FIBCD1: variants seen among roughly 807,000 people sequenced by gnomAD.
FIBCD1 encodes fibrinogen C domain-containing protein 1.
In FIBCD1, 47 loss-of-function variants were observed where a neutral mutation model predicts 45.1. That is an observed-to-expected ratio of 1.04 (90% CI 0.82 to 1.33). FIBCD1 has a LOEUF of 1.33. FIBCD1 is among the 40% of genes most tolerant of loss of function. The pLI is 0.00. For missense variants in FIBCD1, 653 were observed against 682.2 expected, an observed-to-expected ratio of 0.96 and a Z score of 0.48; for synonymous variants, 313 against 308.1, an observed-to-expected ratio of 1.02 and a Z score of -0.17.
chr9:130,904,073 C>T lies in FIBCD1; in HGVS notation c.1377G>A (p.Glu459=), dbSNP rs766731717. Residue 459 remains glutamate (E), a synonymous_variant, in exon 7 of 7, where the codon GAG becomes GAA. Transcript: ENST00000372338. ...GACAAGGTGCACCAGTCTAGCGGTC[C>T]TCCCGGACCGGCCGGATCTTCATCT... is the stretch of plus-strand genomic sequence containing the variant. The part of the protein sequence containing the change: ...FSEMKIRPVR[E]DR 2.2e-5 allele frequency: 36 copies of T among 1,612,588 alleles called. No homozygotes were observed. Among genetic ancestry groups the T allele is most frequent in the Non-Finnish European group, 3.0e-5 (35 of 1,179,640 alleles).
intron 4 of FIBCD1, among the ~76,000 whole-genome samples, chr9:130,913,286 C>T (rs894278482): frequency 6.1e-5 from 9 of 147,682 alleles, no homozygotes; most frequent in African/African-American, 2.1e-4. Flanking sequence ...CTTTATTCTC[C>T]GAGGCAGCGC....
At chr9:130,937,525 C>T (rs1225690261) in intron 1 of FIBCD1, among the ~76,000 whole-genome samples, 2 of 152,230 alleles carry the variant, frequency 1.3e-5, no homozygotes, top group Non-Finnish European at 2.9e-5. Flanking sequence ...CAGGTTGCAG[C>T]TCCTGAGAGG....
intron 1 of FIBCD1, chr9:130,933,727 T>TGGGGGGGAGGGGGGGGGGGGG (rs1832476199): frequency 1.9e-5 from 1 of 51,466 alleles, no homozygotes; most frequent in Non-Finnish European, 3.4e-5. Context: ...GGCGGGCGGG[T>TGGGGGGGAGGGGGGGGGGGGG]GGGGGGGGGG....
intron 5 of FIBCD1, among the ~76,000 whole-genome samples, 155 bp downstream of exon 5, chr9:130,911,637 G>C (rs538784572): frequency 1.9e-4 from 29 of 152,338 alleles, no homozygotes; most frequent in African/African-American, 6.7e-4. Context: ...CTGAATGCCT[G>C]TCACCTTCAT....
chr9:130,921,073 G>T (rs565472812), intron 4 of FIBCD1, among the ~76,000 whole-genome samples: 1 of 152,224 alleles, frequency 6.6e-6, no homozygotes, highest in Non-Finnish European at 1.5e-5. Flanking sequence ...GGGGGTGGGG[G>T]GCAGGGGTGT....
At chr9:130,914,774 G>T (rs191351248) in intron 4 of FIBCD1, among the ~76,000 whole-genome samples, 1 of 152,084 alleles carries the variant, frequency 6.6e-6, no homozygotes. Context: ...TACGTAACTC[G>T]CCAGACCCCA....
intron 5 of FIBCD1, among the ~76,000 whole-genome samples, chr9:130,911,432 C>G (rs981634073): frequency 6.6e-6 from 1 of 152,144 alleles, no homozygotes; most frequent in African/African-American, 2.4e-5. Flanking sequence ...GGGGCCGGGT[C>G]CTCCTCTGTC....
At chr9:130,911,090 C>T (rs1221582823) in intron 5 of FIBCD1, among the ~76,000 whole-genome samples, 4 of 152,336 alleles carry the variant, frequency 2.6e-5, no homozygotes, top group African/African-American at 7.2e-5. Flanking sequence ...CGCTCAGGTT[C>T]CCTCCTGCGC....
rs73656068 is a variant in FIBCD1, at chr9:130,903,714, G to A, written c.*350C>T. ...TCCCCATAATGCCGGGTATTTGGCC[G>A]GGCAGGGCAGAGGGTGCCTGGGGCA... On this transcript the variant is annotated 3_prime_UTR_variant, in exon 7 of 7. Transcript: ENST00000372338. 7,913 of 424,434 alleles carry A rather than the reference G, an allele frequency of 0.019. 500 individuals carry two copies. The highest frequency in any genetic ancestry group is 0.14 in the African/African-American group (6,931 of 49,562). The allele number at this position is 424,434 out of a possible 1,614,324, so 26.3% of individuals were successfully genotyped here.
chr9:130,933,135 C>G (rs939536443), intron 1 of FIBCD1, among the ~76,000 whole-genome samples: 4 of 152,202 alleles, frequency 2.6e-5, no homozygotes, highest in Admixed American at 6.5e-5. Context: ...GGCAGGGGGA[C>G]AGCGGAGCTT....
In FIBCD1 at chr9:130,926,127, G is replaced by A. The variant is rs557056416; in HGVS notation, c.553-1731C>T. On this transcript the variant is annotated intron_variant, in intron 2 of 6. Transcript: ENST00000372338. The surrounding 1 kb of genome is among the most constrained non-coding windows in gnomAD (Gnocchi z 4.1). Reference sequence around the variant, plus strand: ...GGGACACAGGCAGCACACCCCAACCGGGGCAGGAGGGAAGACGGTAGGTGG... The same window carrying A: ...GGGACACAGGCAGCACACCCCAACCAGGGCAGGAGGGAAGACGGTAGGTGG... Among the ~76,000 whole-genome samples, 2 of 152,270 alleles carry A rather than the reference G, an allele frequency of 1.3e-5. No homozygotes were observed. The highest frequency in any genetic ancestry group is 2.1e-4 in the South Asian group (1 of 4,830).
Position 130,938,389 on chromosome 9 carries a change from G to A in FIBCD1, c.72+147C>T. On this transcript the variant is annotated intron_variant, in intron 1 of 6. Transcript: ENST00000372338. Reference sequence around the variant, plus strand: ...AGCCTCGGCTCGGGGAGGAGGAGAGGAGGGTCCCCATCCCGGCCCGGGCCT... The same window carrying A: ...AGCCTCGGCTCGGGGAGGAGGAGAGAAGGGTCCCCATCCCGGCCCGGGCCT... 5.0e-6 allele frequency: 3 copies of A among 596,518 alleles called. No homozygotes were observed. The South Asian group carries it at 8.8e-5, about 17-fold the overall frequency. 37.0% of individuals were successfully genotyped at this position (596,518 alleles called of 1,614,324 possible).
In FIBCD1 at chr9:130,902,640, C is replaced by T. The variant is rs1211519026; in HGVS notation, c.*1424G>A. ...GGAGGAAGCCACCTCCCCTCCTGCC[C>T]GAGGAGAGGCTGCTAGGCAGCTCCC... On this transcript the variant is annotated 3_prime_UTR_variant, in exon 7 of 7. Transcript: ENST00000372338. 1 of 152,266 alleles carries T rather than the reference C, an allele frequency of 6.6e-6. No individual in the cohort carries two copies. Among genetic ancestry groups the T allele is most frequent in the South Asian group, 2.1e-4 (1 of 4,836 alleles). The allele number at this position is 152,266 out of a possible 1,614,324, so 9.4% of individuals were successfully genotyped here. A position where few individuals can be genotyped will look rare whatever the true frequency, so the allele number is the denominator to read the frequency against.
chr9:130,914,687 C>T (rs1832125985), intron 4 of FIBCD1, among the ~76,000 whole-genome samples: 1 of 152,238 alleles, frequency 6.6e-6, no homozygotes, highest in Admixed American at 6.5e-5. Flanking sequence ...CAGACCACAG[C>T]CTCCGAGAGG....
upstream of FIBCD1, among the ~76,000 whole-genome samples, chr9:130,940,429 G>A (rs1406776842): frequency 6.6e-6 from 1 of 152,280 alleles, no homozygotes; most frequent in African/African-American, 2.4e-5. Context: ...ATGGCTGGGA[G>A]TCAGGAGACC....
chr9:130,906,349 C>T (rs952752398), intron 5 of FIBCD1, among the ~76,000 whole-genome samples: 1 of 152,216 alleles, frequency 6.6e-6, no homozygotes, highest in African/African-American at 2.4e-5. Flanking sequence ...CCATCCGCTT[C>T]TCCCTCCTGC....
At chr9:130,924,008 A>G in intron 3 of FIBCD1, 128 bp from the exon 4 acceptor site, 1 of 1,441,480 alleles carries the variant, frequency 6.9e-7, no homozygotes, top group Non-Finnish European at 9.4e-7. Context: ...CTGGCCTTGG[A>G]GTCCGACCTT....
In FIBCD1 at chr9:130,908,845, T is replaced by C. The variant is rs111732019; in HGVS notation, c.946+2947A>G. Among the ~76,000 whole-genome samples, 274 of 152,186 alleles carry C rather than the reference T, an allele frequency of 1.8e-3. 2 individuals carry two copies. The highest frequency in any genetic ancestry group is 5.7e-3 in the African/African-American group (236 of 41,528). ...CAGGTCAGAGAGGGCCCTGCTCTCA[T>C]GGGCCCCGGTGAGGAGGGGGCATGG... On this transcript the variant is annotated intron_variant, in intron 5 of 6. Transcript: ENST00000372338.
Position 130,903,748 on chromosome 9 carries a change from C to A in FIBCD1, c.*316G>T. The A allele has an allele frequency of 2.1e-6, 1 of 483,504 alleles. No individual in the cohort carries two copies. Among genetic ancestry groups the A allele is most frequent in the Admixed American group, 3.3e-5 (1 of 30,048 alleles). The allele number at this position is 483,504 out of a possible 1,614,324, so 30.0% of individuals were successfully genotyped here. A position where few individuals can be genotyped will look rare whatever the true frequency, so the allele number is the denominator to read the frequency against. ...AGAGGGTGCCTGGGGCAGACTCCAC[C>A]ATCCTGGCCAGGGGACGGCAAACAG... On this transcript the variant is annotated 3_prime_UTR_variant, in exon 7 of 7. Coordinates refer to ENST00000372338, the MANE Select transcript of FIBCD1 (RefSeq NM_032843.5).
Sources: allele counts gnomAD v4.1 joint callset (sites outside exome capture counted in the v4.1 genomes callset), GRCh38; gene constraint gnomAD v4.1.1; non-coding constraint Gnocchi (gnomAD v3.1); transcripts MANE v1.5; gene names NCBI Gene and HGNC (gene_info 2026-07-23, HGNC 2026-07-21).